The following HLA-G variants were observed in gnomAD, a reference collection of about 807,000 sequenced individuals.
The protein encoded by HLA-G is major histocompatibility complex, class I, G.
In HLA-G, 34 loss-of-function variants were observed where a neutral mutation model predicts 39.3. The ratio of observed to expected loss-of-function variants is 0.86; its 90% confidence interval spans 0.66 to 1.15. The LOEUF is 1.15. Ranked by LOEUF, HLA-G falls within the 50% of genes most tolerant of loss-of-function variation. The pLI is 0.00. For missense variants in HLA-G, 419 were observed against 456.4 expected (o/e 0.92, Z 0.75); for synonymous variants, 183 against 185.8 (o/e 0.99, Z 0.12).
Position 29,828,589 on chromosome 6 carries a change from C to T in HLA-G, c.390C>T (p.Asp130=), listed in dbSNP as rs1355904442. ...QWMIGCDLGS[D]GRLLRGYEQY... The stretch of plus-strand genomic sequence containing the variant: ...TGATTGGCTGCGACCTGGGGTCCGA[C>T]GGACGCCTCCTCCGCGGGTATGAAC... The change falls in exon 3 of 7, where the codon GAC becomes GAT. Residue 130 remains aspartate, a synonymous_variant. Transcript: ENST00000360323. 8 of 1,613,130 alleles carry T rather than the reference C, an allele frequency of 5.0e-6. No individual in the cohort carries two copies. The highest frequency in any genetic ancestry group is 6.8e-6 in the Non-Finnish European group (8 of 1,180,024).
intron 5 of HLA-G, among the ~76,000 whole-genome samples, 171 bp from the exon 6 acceptor site, chr6:29,830,207 G>A (rs1441556229): frequency 6.6e-6 from 1 of 152,128 alleles, no homozygotes; most frequent in African/African-American, 2.4e-5. Flanking sequence ...ACCTTAGGAG[G>A]GCAGTTGGTC....
At chr6:29,826,724 T>TCGC (rs1760717404), upstream of HLA-G, among the ~76,000 whole-genome samples, 2 of 152,224 alleles carry the variant, frequency 1.3e-5, no homozygotes, top group African/African-American at 4.8e-5. Context: ...TCTACAGAGC[T>TCGC]TCGCTGGGTG....
upstream of HLA-G, chr6:29,827,622 A>G: frequency 1.7e-6 from 1 of 587,836 alleles, no homozygotes; most frequent in Non-Finnish European, 3.1e-6. Context: ...TCAGGGTCTC[A>G]GGCCCCACAG....
rs562739922 is a variant in HLA-G at position 29,827,890 on chromosome 6, G to A, written c.46G>A (p.Ala16Thr). 6.2e-7 allele frequency: 1 copy of A among 1,613,014 alleles called. No individual in the cohort carries two copies. Among genetic ancestry groups the A allele is most frequent in the Non-Finnish European group, 8.5e-7 (1 of 1,179,656 alleles). ...AACCCTCTTCCTGCTGCTCTCGGGGGCCCTGACCCTGACCGAGACCTGGGC... is the reference window on the plus strand; with the variant it reads ...AACCCTCTTCCTGCTGCTCTCGGGGACCCTGACCCTGACCGAGACCTGGGC... ...PRTLFLLLSG[A>T]LTLTETWAGS... Residue 16 changes from alanine (A) to threonine (T), a missense_variant, in exon 1 of 7, where the codon GCC becomes ACC. Physicochemically the swap from Ala to Thr is moderately conservative, Grantham distance 58. Around this residue, in one of 2 missense-constraint regions of HLA-G, gnomAD observed 91 missense variants for 133.4 expected, o/e 0.68. Transcript: ENST00000360323.
In HLA-G at chr6:29,828,705, G is replaced by A. The variant is rs200909460; in HGVS notation, c.506G>A (p.Arg169His). 7 of 1,613,750 alleles carry A rather than the reference G, an allele frequency of 4.3e-6. No individual in the cohort carries two copies. The highest frequency in any genetic ancestry group is 1.3e-5 in the African/African-American group (1 of 75,040). The change falls in exon 3 of 7, where the codon CGC becomes CAC. Residue 169 changes from arginine (R) to histidine (H), a missense_variant. Transcript: ENST00000360323. ...GACACTGCGGCTCAGATCTCCAAGC[G>A]CAAGTGTGAGGCGGCCAATGTGGCT... ...AADTAAQISK[R>H]KCEAANVAEQ...
At chr6:29,828,475 AT>A (rs1760905019) in intron 2 of HLA-G, 67 bp from the exon 3 acceptor site, 1 of 1,571,220 alleles carries the variant, frequency 6.4e-7, no homozygotes, top group Non-Finnish European at 8.6e-7. Flanking sequence ...CTTTACCAAA[AT>A]CCCCGCGGGT....
In HLA-G at chr6:29,828,813, G is replaced by T. The variant is rs1438362414; in HGVS notation, c.614G>T (p.Arg205Leu). Residue 205 changes from arginine to leucine, a missense_variant, in exon 3 of 7, where the codon CGC (arginine) becomes CTC (leucine). Physicochemically the swap from Arg to Leu is moderately radical, Grantham distance 102 (BLOSUM62 -2). Transcript: ENST00000360323. ...YLENGKEMLQ[R>L]ADPPKTHVTH... ...GAGAACGGGAAGGAGATGCTGCAGC[G>T]CGCGGGTACCAGGGGCAGTGGGGCG... 1.9e-6 allele frequency: 3 copies of T among 1,613,912 alleles called. No individual in the cohort carries two copies. Among genetic ancestry groups the T allele is most frequent in the Non-Finnish European group, 2.5e-6 (3 of 1,180,018 alleles).
chr6:29,829,657 C>A lies in HLA-G; in HGVS notation c.859C>A (p.His287Asn). ...GCAGAGATACACGTGCCATGTGCAG[C>A]ATGAGGGGCTGCCGGAGCCCCTCAT... ...EEQRYTCHVQ[H>N]EGLPEPLMLR... The change falls in exon 4 of 7, where the codon CAT becomes AAT. Residue 287 changes from histidine to asparagine, a missense_variant. Transcript: ENST00000360323. The A allele has an allele frequency of 6.2e-7, 1 of 1,613,982 alleles. No homozygotes were observed. The highest frequency in any genetic ancestry group is 8.5e-7 in the Non-Finnish European group (1 of 1,179,978).
chr6:29,829,333 A>G (rs1761035359), intron 3 of HLA-G, 85 bp from the exon 4 acceptor site: 1 of 1,459,722 alleles, frequency 6.9e-7, no homozygotes, highest in Non-Finnish European at 9.4e-7. Context: ...TATCTGGTTC[A>G]TTCTTAGGAT....
chr6:29,830,179 G>T (rs1439793169), intron 5 of HLA-G, among the ~76,000 whole-genome samples, 199 bp from the exon 6 acceptor site: 4 of 152,176 alleles, frequency 2.6e-5, no homozygotes, highest in Non-Finnish European at 4.4e-5. Context: ...TCAGGAGAAG[G>T]TCCCTGGCTA....
chr6:29,829,615 G>A lies in HLA-G; in HGVS notation c.817G>A (p.Val273Met), dbSNP rs1356383148. The A allele has an allele frequency of 6.2e-7, 1 of 1,614,116 alleles. No individual in the cohort carries two copies. The highest frequency in any genetic ancestry group is 2.2e-5 in the East Asian group (1 of 44,866). Residue 273 changes from valine to methionine, a missense_variant, in exon 4 of 7, where the codon GTG becomes ATG. Val to Met is a conservative substitution (Grantham distance 21). Coordinates refer to ENST00000360323, the MANE Select transcript of HLA-G (RefSeq NM_001384290.1). Reference sequence around the variant, plus strand: ...CTTCCAGAAGTGGGCAGCTGTGGTGGTGCCTTCTGGAGAGGAGCAGAGATA... The same window carrying A: ...CTTCCAGAAGTGGGCAGCTGTGGTGATGCCTTCTGGAGAGGAGCAGAGATA... ...GTFQKWAAVV[V>M]PSGEEQRYTC...
In HLA-G at chr6:29,828,592, A is replaced by T. The variant is rs3873252; in HGVS notation, c.393A>T (p.Gly131=). 103,313 of 1,612,852 alleles carry T rather than the reference A, an allele frequency of 0.064. 4,447 individuals are homozygous for T. The highest frequency in any genetic ancestry group is 0.15 in the South Asian group (13,930 of 91,064). ...WMIGCDLGSD[G]RLLRGYEQYA... ...TTGGCTGCGACCTGGGGTCCGACGG[A>T]CGCCTCCTCCGCGGGTATGAACAGT... The change falls in exon 3 of 7, where the codon GGA becomes GGT. Residue 131 remains glycine (G), a synonymous_variant. Coordinates refer to ENST00000360323, the MANE Select transcript of HLA-G (RefSeq NM_001384290.1).
At chr6:29,829,276 G>A (rs759133416) in intron 3 of HLA-G, 142 bp from the exon 4 acceptor site, 5 of 915,580 alleles carry the variant, frequency 5.5e-6, no homozygotes, top group South Asian at 3.2e-5. Context: ...CCAGGTGCCC[G>A]TGTCCAGGCT....
At position 29,827,918 on chromosome 6, in the gene HLA-G, G is replaced by C; in HGVS notation, c.73+1G>C. 8 of 1,610,440 alleles carry C rather than the reference G, an allele frequency of 5.0e-6. No individual in the cohort carries two copies. The highest frequency in any genetic ancestry group is 6.8e-6 in the Non-Finnish European group (8 of 1,178,602). On this transcript the variant is annotated splice_donor_variant, in intron 1 of 6. Transcript: ENST00000360323. LOFTEE classifies it high-confidence loss of function. ...CTGACCCTGACCGAGACCTGGGCGG[G>C]TGAGTGCGGGGTCAGGAGGGAAACA...
Position 29,828,764 on chromosome 6 carries a change from G to T in HLA-G, c.565G>T (p.Val189Leu). The T allele has an allele frequency of 6.2e-7, 1 of 1,614,060 alleles. No homozygotes were observed. The highest frequency in any genetic ancestry group is 1.1e-5 in the South Asian group (1 of 91,086). The change falls in exon 3 of 7, where the codon GTG (valine) becomes TTG (leucine). Residue 189 changes from valine to leucine, a missense_variant. Around this residue, in one of 2 missense-constraint regions of HLA-G, gnomAD observed 328 missense variants for 323.0 expected, o/e 1.02. Transcript: ENST00000360323. The stretch of plus-strand genomic sequence containing the variant: ...GAGAGCCTACCTGGAGGGCACGTGC[G>T]TGGAGTGGCTCCACAGATACCTGGA... ...QRRAYLEGTC[V>L]EWLHRYLENG...
upstream of HLA-G, chr6:29,827,304 G>A: frequency 2.8e-6 from 1 of 353,750 alleles, no homozygotes; most frequent in Non-Finnish European, 5.5e-6. Context: ...ATTTAAGGGG[G>A]AAAAAAAACC....
rs752268826 is a variant in HLA-G at position 29,828,817 on chromosome 6, G to A, written c.618G>A (p.Ala206=). 1.7e-5 allele frequency: 27 copies of A among 1,608,950 alleles called. No individual in the cohort carries two copies. Among genetic ancestry groups the A allele is most frequent in the Non-Finnish European group, 2.1e-5 (25 of 1,176,480 alleles). The change falls in exon 3 of 7, where the codon GCG becomes GCA. Residue 206 remains alanine, a splice_region_variant and synonymous_variant. Coordinates refer to ENST00000360323, the MANE Select transcript of HLA-G (RefSeq NM_001384290.1). ...LENGKEMLQR[A]DPPKTHVTHH... ...ACGGGAAGGAGATGCTGCAGCGCGC[G>A]GGTACCAGGGGCAGTGGGGCGCCTC...
chr6:29,826,831 A>G (rs1366621273), upstream of HLA-G: 5 of 332,232 alleles, frequency 1.5e-5, no homozygotes. Flanking sequence ...GTATTCCTAA[A>G]AAATATACAC....
At chr6:29,827,660 G>A (rs1471482325), upstream of HLA-G, 176 of 690,382 alleles carry the variant, frequency 2.5e-4, no homozygotes, top group Admixed American at 4.6e-4. Flanking sequence ...GAGGCCCCGC[G>A]TTGGGGATTC....
Sources: allele counts gnomAD v4.1 joint callset (sites outside exome capture counted in the v4.1 genomes callset), GRCh38; gene constraint gnomAD v4.1.1; regional missense constraint gnomAD v4.1.1; transcripts MANE v1.5; gene names NCBI Gene and HGNC (gene_info 2026-07-23, HGNC 2026-07-21).